Variants in TAMALIN observed in about 807,000 individuals in gnomAD.
The protein encoded by TAMALIN is trafficking regulator and scaffold protein tamalin.
A neutral mutation model predicts 38.5 loss-of-function variants in TAMALIN; 9 were observed. The ratio of observed to expected loss-of-function variants is 0.23; its 90% CI spans 0.14 to 0.41. The LOEUF (loss-of-function observed/expected upper bound fraction) is 0.41, where lower values mean the gene tolerates loss of function less well. TAMALIN is among the 10% of genes least tolerant of loss of function. The probability of loss-of-function intolerance (pLI) is 1.00; values close to 1 mark genes in which losing one functional copy is unlikely to be tolerated. For missense variants in TAMALIN, 548 were observed against 554.1 expected (o/e 0.99, Z 0.11); for synonymous variants, 306 against 256.5 (o/e 1.19, Z -1.85).
In TAMALIN at chr12:52,011,679, T is replaced by C. The variant is rs1937648055; in HGVS notation, c.454+538T>C. Among the ~76,000 whole-genome samples, 1 of 152,000 alleles carries C rather than the reference T, an allele frequency of 6.6e-6. No homozygotes were observed. The highest frequency in any genetic ancestry group is 2.4e-5 in the African/African-American group (1 of 41,370). Reference sequence around the variant, plus strand: ...GTGCAGTGGCGTAATCATAACTCACTATAACCTTGAACTCCTGGGCTCAAG... The same window carrying C: ...GTGCAGTGGCGTAATCATAACTCACCATAACCTTGAACTCCTGGGCTCAAG... On this transcript the variant is annotated intron_variant, in intron 4 of 7. Coordinates refer to ENST00000293662, the MANE Select transcript of TAMALIN (RefSeq NM_181711.4). The surrounding 1 kb of genome is among the most constrained non-coding windows in gnomAD (Gnocchi z 5.3).
Position 52,011,096 on chromosome 12 carries a change from C to A in TAMALIN, c.409C>A (p.Arg137=). The A allele has an allele frequency of 6.2e-7, 1 of 1,612,952 alleles. No individual in the cohort carries two copies. The highest frequency in any genetic ancestry group is 8.5e-7 in the Non-Finnish European group (1 of 1,179,964). ...QRVEMVTFVC[R]VHESSPAQLA... ...TGTGGAAATGGTGACCTTTGTCTGC[C>A]GAGTTCATGAGTCTAGCCCTGCCCA... The change falls in exon 4 of 8, where the codon CGA becomes AGA. Residue 137 remains arginine (R), a synonymous_variant. Coordinates refer to ENST00000293662, the MANE Select transcript of TAMALIN (RefSeq NM_181711.4). This position sits in a 1 kb window ranked among gnomAD's most constrained non-coding sequence, Gnocchi z 5.3.
At position 52,014,798 on chromosome 12, in the gene TAMALIN, C is replaced by G; in HGVS notation, c.787C>G (p.Leu263Val). 7.1e-7 allele frequency: 1 copy of G among 1,406,342 alleles called. No individual in the cohort carries two copies. 87.1% of individuals were successfully genotyped at this position (1,406,342 alleles called of 1,614,324 possible). The change falls in exon 8 of 8, where the codon CTC becomes GTC. Residue 263 changes from leucine to valine, a missense_variant. Leu to Val is a conservative substitution (Grantham distance 32). Around this residue, in one of 3 missense-constraint regions of TAMALIN, gnomAD observed 415 missense variants for 417.0 expected, o/e 1.00. Transcript: ENST00000293662. ...LPGSLPFGPL[L>V]AVPGRPRGGA... Reference sequence around the variant, plus strand: ...GGGCTCGCTGCCCTTCGGGCCTCTGCTCGCCGTGCCCGGGCGTCCCCGCGG... The same window carrying G: ...GGGCTCGCTGCCCTTCGGGCCTCTGGTCGCCGTGCCCGGGCGTCCCCGCGG...
chr12:52,015,643 C>G lies in TAMALIN; in HGVS notation c.*444C>G, dbSNP rs1937794222. The G allele has an allele frequency of 6.3e-6, 1 of 157,628 alleles. No individual in the cohort carries two copies. The highest frequency in any genetic ancestry group is 2.4e-5 in the African/African-American group (1 of 41,478). 9.8% of individuals were successfully genotyped at this position (157,628 alleles called of 1,614,324 possible). ...ACCCTCCACACACACAGTTCCATGA[C>G]CCAGCGGGCCCCCAGGGGCATCAGG... On this transcript the variant is annotated 3_prime_UTR_variant, in exon 8 of 8. Coordinates refer to ENST00000293662, the MANE Select transcript of TAMALIN (RefSeq NM_181711.4).
chr12:52,006,974 C>G lies in TAMALIN; in HGVS notation c.-46C>G, dbSNP rs1022379581. On this transcript the variant is annotated 5_prime_UTR_variant, in exon 1 of 8. Transcript: ENST00000293662. ...ATCCCCCAGCCGCCGCCAGCCCCGCCGAGGGGAGCCAGCGCCGTCTCTGAG... is the reference window on the plus strand; with the variant it reads ...ATCCCCCAGCCGCCGCCAGCCCCGCGGAGGGGAGCCAGCGCCGTCTCTGAG... The G allele has an allele frequency of 3.0e-6, 4 of 1,318,572 alleles. No homozygotes were observed. In the African/African-American group the frequency reaches 4.6e-5, roughly 15 times the overall value. The allele number at this position is 1,318,572 out of a possible 1,614,324, so 81.7% of individuals were successfully genotyped here. A position where few individuals can be genotyped will look rare whatever the true frequency, so the allele number is the denominator to read the frequency against.
chr12:52,013,742 G>A lies in TAMALIN; in HGVS notation c.510G>A (p.Glu170=), dbSNP rs755186714. 6.2e-7 allele frequency: 1 copy of A among 1,614,202 alleles called. No individual in the cohort carries two copies. Among genetic ancestry groups the A allele is most frequent in the Non-Finnish European group, 8.5e-7 (1 of 1,180,038 alleles). Residue 170 remains glutamate, a synonymous_variant, in exon 5 of 8, where the codon GAG becomes GAA. Transcript: ENST00000293662. ...ATGTGGAAGGCATCCGGCATCGAGA[G>A]ATTGTGGACATCATTAAGGCGTCAG... ...GLNVEGIRHR[E]IVDIIKASGN...
chr12:52,007,899 G>A lies in TAMALIN; in HGVS notation c.246+634G>A. ...TCGCAGGGCGCCCGCGGGGCAGGAA[G>A]GATGCGGGCCGCGCCCACCTCTGAG... On this transcript the variant is annotated intron_variant, in intron 1 of 7. Transcript: ENST00000293662. This position sits in a 1 kb window ranked among gnomAD's most constrained non-coding sequence, Gnocchi z 6.7. 1 of 985,400 alleles carries A rather than the reference G, an allele frequency of 1.0e-6. No homozygotes were observed. The highest frequency in any genetic ancestry group is 1.2e-6 in the Non-Finnish European group (1 of 829,910). 61.0% of individuals were successfully genotyped at this position (985,400 alleles called of 1,614,324 possible).
chr12:52,014,716 C>A lies in TAMALIN; in HGVS notation c.705C>A (p.Ser235Arg). ...CAGGCCTGGTGGTGAAGGACCCCAG[C>A]ATCTACGACACGCTGGAGTCGGTGC... is the stretch of plus-strand genomic sequence containing the variant. ...LVHGLVVKDP[S>R]IYDTLESVRS... is the part of the protein sequence containing the mutation. The change falls in exon 8 of 8, where the codon AGC (serine) becomes AGA (arginine). Residue 235 changes from serine (S) to arginine (R), a missense_variant. Around this residue, in one of 3 missense-constraint regions of TAMALIN, gnomAD observed 415 missense variants for 417.0 expected, o/e 1.00. Coordinates refer to ENST00000293662, the MANE Select transcript of TAMALIN (RefSeq NM_181711.4). 2 of 1,513,028 alleles carry A rather than the reference C, an allele frequency of 1.3e-6. No individual in the cohort carries two copies. Among genetic ancestry groups the A allele is most frequent in the East Asian group, 2.5e-5 (1 of 40,734 alleles). 93.7% of individuals were successfully genotyped at this position (1,513,028 alleles called of 1,614,324 possible).
Position 52,014,157 on chromosome 12 carries a change from G to GA in TAMALIN, c.639dup (p.Glu214ArgfsTer141). On this transcript the variant is annotated frameshift_variant, in exon 7 of 8. Coordinates refer to ENST00000293662, the MANE Select transcript of TAMALIN (RefSeq NM_181711.4). LOFTEE classifies it low-confidence loss of function (END_TRUNC). ...CAGCAAACCCTGTATGAGAAGTGGG[G>GA]AGAGTACAGGTCCCTAATGGTGCAG... The GA allele has an allele frequency of 6.2e-7, 1 of 1,604,708 alleles. No homozygotes were observed. The highest frequency in any genetic ancestry group is 8.5e-7 in the Non-Finnish European group (1 of 1,175,354).
At position 52,015,010 on chromosome 12, in the gene TAMALIN, T is replaced by TGTGCGGTGCGC. The variant is rs1293465733; in HGVS notation, c.1001_1011dup (p.Gly338CysfsTer81). 1 of 1,092,658 alleles carries TGTGCGGTGCGC rather than the reference T, an allele frequency of 9.2e-7. No individual in the cohort carries two copies. The highest frequency in any genetic ancestry group is 1.1e-6 in the Non-Finnish European group (1 of 893,588). The allele number at this position is 1,092,658 out of a possible 1,614,324, so 67.7% of individuals were successfully genotyped here. A position where few individuals can be genotyped will look rare whatever the true frequency, so the allele number is the denominator to read the frequency against. On this transcript the variant is annotated frameshift_variant, in exon 8 of 8. Transcript: ENST00000293662. LOFTEE classifies it high-confidence loss of function. ...GGGCCGCGCTGAGCCGCAGCGCCAG[T>TGTGCGGTGCGC]GTGCGGTGCGCGGGCCCTGGCGGGG...
At position 52,015,376 on chromosome 12, in the gene TAMALIN, G is replaced by C; in HGVS notation, c.*177G>C. ...GTCTGCTGAGGGAGTGGGGGGCCCA[G>C]CCCCTTCTCTTCTCCCCCGCCAAAC... On this transcript the variant is annotated 3_prime_UTR_variant, in exon 8 of 8. Coordinates refer to ENST00000293662, the MANE Select transcript of TAMALIN (RefSeq NM_181711.4). 1.4e-6 allele frequency: 1 copy of C among 740,014 alleles called. No homozygotes were observed. Among genetic ancestry groups the C allele is most frequent in the Non-Finnish European group, 2.0e-6 (1 of 490,858 alleles). The allele number at this position is 740,014 out of a possible 1,614,324, so 45.8% of individuals were successfully genotyped here.
At position 52,015,379 on chromosome 12, in the gene TAMALIN, C is replaced by G; in HGVS notation, c.*180C>G. 1 of 719,510 alleles carries G rather than the reference C, an allele frequency of 1.4e-6. No homozygotes were observed. The highest frequency in any genetic ancestry group is 2.1e-6 in the Non-Finnish European group (1 of 472,628). The allele number at this position is 719,510 out of a possible 1,614,324, so 44.6% of individuals were successfully genotyped here. On this transcript the variant is annotated 3_prime_UTR_variant, in exon 8 of 8. Coordinates refer to ENST00000293662, the MANE Select transcript of TAMALIN (RefSeq NM_181711.4). ...TGCTGAGGGAGTGGGGGGCCCAGCC[C>G]CTTCTCTTCTCCCCCGCCAAACCAC...
chr12:52,010,118 T>C (rs1041845484), intron 2 of TAMALIN, among the ~76,000 whole-genome samples: 1 of 152,116 alleles, frequency 6.6e-6, no homozygotes, highest in African/African-American at 2.4e-5. Flanking sequence ...GGGCTCGAGC[T>C]GGAGTGGGGA....
At position 52,007,035 on chromosome 12, in the gene TAMALIN, C is replaced by A; in HGVS notation, c.16C>A (p.Leu6Ile). The stretch of plus-strand genomic sequence containing the variant: ...CGCCGGAGCCATGACCCTCCGCCGA[C>A]TCAGGAAGCTGCAGCAGAAGGAGGA... MTLRR[L>I]RKLQQKEEAA... The change falls in exon 1 of 8, where the codon CTC (leucine) becomes ATC (isoleucine). Residue 6 changes from leucine to isoleucine, a missense_variant. This residue lies in a region of TAMALIN where 128 missense variants were observed against 117.9 expected (regional missense o/e 1.09). Transcript: ENST00000293662. This position sits in a 1 kb window ranked among gnomAD's most constrained non-coding sequence, Gnocchi z 6.7. The A allele has an allele frequency of 6.9e-7, 1 of 1,443,304 alleles. No homozygotes were observed. The highest frequency in any genetic ancestry group is 9.0e-7 in the Non-Finnish European group (1 of 1,105,914). The allele number at this position is 1,443,304 out of a possible 1,614,324, so 89.4% of individuals were successfully genotyped here.
chr12:52,014,448 G>A (rs1937736905), intron 7 of TAMALIN: 2 of 600,730 alleles, frequency 3.3e-6, no homozygotes, highest in Non-Finnish European at 5.9e-6. Flanking sequence ...GGGAACACCA[G>A]GGCTCAAAGA....
chr12:52,013,276 A>T (rs539592831), intron 4 of TAMALIN, among the ~76,000 whole-genome samples: 4 of 149,458 alleles, frequency 2.7e-5, no homozygotes, highest in African/African-American at 9.9e-5. Flanking sequence ...ACGGGGTTTC[A>T]CCGTGTTAGC....
In TAMALIN at chr12:52,015,358, G is replaced by C; in HGVS notation, c.*159G>C. Reference sequence around the variant, plus strand: ...GGTCGGTTCCTGGCTGGTGTCTGCTGAGGGAGTGGGGGGCCCAGCCCCTTC... The same window carrying C: ...GGTCGGTTCCTGGCTGGTGTCTGCTCAGGGAGTGGGGGGCCCAGCCCCTTC... On this transcript the variant is annotated 3_prime_UTR_variant, in exon 8 of 8. Transcript: ENST00000293662. 1.2e-6 allele frequency: 1 copy of C among 868,536 alleles called. No homozygotes were observed. The highest frequency in any genetic ancestry group is 1.8e-5 in the South Asian group (1 of 54,264). 53.8% of individuals were successfully genotyped at this position (868,536 alleles called of 1,614,324 possible). A position where few individuals can be genotyped will look rare whatever the true frequency, so the allele number is the denominator to read the frequency against.
intron 2 of TAMALIN, 116 bp downstream of exon 2, chr12:52,009,355 A>C (rs888478260): frequency 1.7e-5 from 17 of 981,256 alleles, no homozygotes; most frequent in African/African-American, 6.4e-5. Context: ...GCCTTTAAAC[A>C]TGGCTCCCCC....
At chr12:52,013,854 A>G in intron 5 of TAMALIN, 23 bp from the exon 6 acceptor site, 2 of 1,613,890 alleles carry the variant, frequency 1.2e-6, no homozygotes, top group Non-Finnish European at 1.7e-6. Flanking sequence ...TGGCTCACTC[A>G]GGCTTTGATT....
In TAMALIN at chr12:52,007,191, G is replaced by A. The variant is rs1441132240; in HGVS notation, c.172G>A (p.Ala58Thr). ...GCCCCCAGCGGACGAGCTGTACGCG[G>A]CGCTGGAGGACTATCACCCTGCCGA... is the stretch of plus-strand genomic sequence containing the variant. ...PGPPADELYA[A>T]LEDYHPAELY... is the part of the protein sequence containing the mutation. Residue 58 changes from alanine to threonine, a missense_variant, in exon 1 of 8, where the codon GCG becomes ACG. This residue lies in a region of TAMALIN where 128 missense variants were observed against 117.9 expected (regional missense o/e 1.09). Coordinates refer to ENST00000293662, the MANE Select transcript of TAMALIN (RefSeq NM_181711.4). This position sits in a 1 kb window ranked among gnomAD's most constrained non-coding sequence, Gnocchi z 6.7. 1 of 1,518,494 alleles carries A rather than the reference G, an allele frequency of 6.6e-7. No homozygotes were observed. The highest frequency in any genetic ancestry group is 2.2e-5 in the Admixed American group (1 of 46,352). 94.1% of individuals were successfully genotyped at this position (1,518,494 alleles called of 1,614,324 possible).
Sources: allele counts gnomAD v4.1 joint callset (sites outside exome capture counted in the v4.1 genomes callset), GRCh38; gene constraint gnomAD v4.1.1; regional missense constraint gnomAD v4.1.1; non-coding constraint Gnocchi (gnomAD v3.1); transcripts MANE v1.5; gene names NCBI Gene and HGNC (gene_info 2026-07-23, HGNC 2026-07-21).